The following KIF13B variants were observed in gnomAD, a reference collection of about 807,000 sequenced individuals.
KIF13B encodes kinesin-like protein KIF13B.
A neutral mutation model predicts 222.0 loss-of-function variants in KIF13B; 127 were observed. The observed-to-expected ratio is 0.57, with a 90% CI of 0.50 to 0.66. The LOEUF is 0.66. Ranked by LOEUF, KIF13B falls within the 30% of genes least tolerant of loss-of-function variation. The pLI is 0.00. For missense variants in KIF13B, 2,173 were observed against 2,379.0 expected, an observed-to-expected ratio of 0.91 and a Z score of 1.80; for synonymous variants, 976 against 919.0, an observed-to-expected ratio of 1.06 and a Z score of -1.12.
At position 29,071,416 on chromosome 8, in the gene KIF13B, A is replaced by T. The variant is rs532221151; in HGVS notation, c.5218+204T>A. Among the ~76,000 whole-genome samples, 19 of 152,214 alleles carry T rather than the reference A, an allele frequency of 1.2e-4. No homozygotes were observed. Among genetic ancestry groups the T allele is most frequent in the African/African-American group, 4.6e-4 (19 of 41,534 alleles). On this transcript the variant is annotated intron_variant, in intron 39 of 39. Transcript: ENST00000524189. The surrounding 1 kb of genome is among the most constrained non-coding windows in gnomAD (Gnocchi z 4.9). ...CAGGATCTTTGTAGCCAAAATCATC[A>T]GGAATTTTCCATGTCGTCTCCAGGG... is the stretch of plus-strand genomic sequence containing the variant.
Position 29,124,027 on chromosome 8 carries a change from G to T in KIF13B, c.3349C>A (p.Arg1117Ser). ...ATATTCTATTTGTTTTTCCTACCAC[G>T]TTTACTGACAAGCTTTTGCAATTGT... ...DQQLQKLVSK[R>S]DKTEDDADRE... Residue 1117 changes from arginine (R) to serine (S), a missense_variant, in exon 27 of 40, where the codon CGT becomes AGT. Coordinates refer to ENST00000524189, the MANE Select transcript of KIF13B (RefSeq NM_015254.4). 1.9e-6 allele frequency: 3 copies of T among 1,593,486 alleles called. No homozygotes were observed. Among genetic ancestry groups the T allele is most frequent in the African/African-American group, 1.3e-5 (1 of 74,580 alleles).
rs1018567765 is a variant in KIF13B at position 29,068,217 on chromosome 8, T to A, written c.*2287A>T. The stretch of plus-strand genomic sequence containing the variant: ...AGCGCATCGGGAGTCCTAAGGCGGG[T>A]GGGCGGGCAGGCGTTCTTGGGAGGT... On this transcript the variant is annotated 3_prime_UTR_variant, in exon 40 of 40. Coordinates refer to ENST00000524189, the MANE Select transcript of KIF13B (RefSeq NM_015254.4). This position sits in a 1 kb window ranked among gnomAD's most constrained non-coding sequence, Gnocchi z 4.4. 2 of 151,678 alleles carry A rather than the reference T, an allele frequency of 1.3e-5. No homozygotes were observed. The highest frequency in any genetic ancestry group is 1.3e-4 in the Admixed American group (2 of 15,220). The allele number at this position is 151,678 out of a possible 1,614,324, so 9.4% of individuals were successfully genotyped here. A position where few individuals can be genotyped will look rare whatever the true frequency, so the allele number is the denominator to read the frequency against.
intron 5 of KIF13B, among the ~76,000 whole-genome samples, chr8:29,187,074 TA>T (rs1389157541): frequency 1.3e-5 from 2 of 151,480 alleles, no homozygotes; most frequent in African/African-American, 4.9e-5. Context: ...TTTTCCGAAA[TA>T]AGCTGAAAGA....
chr8:29,191,690 A>G (rs1389112465), intron 3 of KIF13B, among the ~76,000 whole-genome samples: 1 of 152,228 alleles, frequency 6.6e-6, no homozygotes, highest in East Asian at 1.9e-4. Flanking sequence ...ATCTGTTTTG[A>G]TCTTTCACCT....
At chr8:29,240,660 G>C (rs907369146) in intron 2 of KIF13B, among the ~76,000 whole-genome samples, 1 of 152,210 alleles carries the variant, frequency 6.6e-6, no homozygotes, top group African/African-American at 2.4e-5. Flanking sequence ...ACCAGAACGC[G>C]GGGTTCTAAA....
intron 1 of KIF13B, 145 bp downstream of exon 1, chr8:29,262,835 G>A (rs1314086987): frequency 7.2e-6 from 4 of 555,744 alleles, no homozygotes; most frequent in Non-Finnish European, 1.2e-5. Flanking sequence ...GCGCGGGAGC[G>A]GGTTTCAGGG....
At chr8:29,102,120 C>A (rs7818032) in intron 35 of KIF13B, among the ~76,000 whole-genome samples, 1,841 of 151,762 alleles carry the variant, frequency 0.012, 29 homozygotes, top group African/African-American at 0.042. Context: ...AAAAATGAAG[C>A]AACCCAGTTC....
chr8:29,196,176 A>T lies in KIF13B; in HGVS notation c.162+11T>A, dbSNP rs763257192. 1.3e-6 allele frequency: 2 copies of T among 1,569,252 alleles called. No homozygotes were observed. The highest frequency in any genetic ancestry group is 2.4e-5 in the South Asian group (2 of 84,712). On this transcript the variant is annotated intron_variant, in intron 3 of 39. Transcript: ENST00000524189. The stretch of plus-strand genomic sequence containing the variant: ...CTTTACAAGCATCACATAACAAACC[A>T]AATCTCTTACCTTCGGCTGGCCCCT...
At chr8:29,220,597 T>C (rs750029309) in intron 2 of KIF13B, among the ~76,000 whole-genome samples, 5 of 150,670 alleles carry the variant, frequency 3.3e-5, no homozygotes, top group African/African-American at 7.3e-5. Context: ...AAACAGCCCA[T>C]GGGTTTTGAT....
At position 29,104,783 on chromosome 8, in the gene KIF13B, G is replaced by A. The variant is rs537922209; in HGVS notation, c.4215+3356C>T. Among the ~76,000 whole-genome samples, 255 of 151,470 alleles carry A rather than the reference G, an allele frequency of 1.7e-3. 2 individuals are homozygous for A. The highest frequency in any genetic ancestry group is 5.5e-3 in the African/African-American group (226 of 41,270). On this transcript the variant is annotated intron_variant, in intron 35 of 39. Coordinates refer to ENST00000524189, the MANE Select transcript of KIF13B (RefSeq NM_015254.4). Reference sequence around the variant, plus strand: ...TTTTTTGAGACAGAGTCTCGCTGTCGCCCAGGCTGGAGTGCAGTGGCGCGA... The same window carrying A: ...TTTTTTGAGACAGAGTCTCGCTGTCACCCAGGCTGGAGTGCAGTGGCGCGA...
At chr8:29,238,861 G>A (rs962329934) in intron 2 of KIF13B, among the ~76,000 whole-genome samples, 2 of 152,034 alleles carry the variant, frequency 1.3e-5, no homozygotes, top group African/African-American at 4.8e-5. Context: ...TACACTTAGG[G>A]GTGGAGAGGA....
At chr8:29,175,964 C>T (rs762110179) in intron 10 of KIF13B, 104 bp downstream of exon 10, 34 of 704,054 alleles carry the variant, frequency 4.8e-5, no homozygotes, top group Non-Finnish European at 6.6e-5. Flanking sequence ...ATTTGCACAC[C>T]GATAGAGGAA....
intron 30 of KIF13B, among the ~76,000 whole-genome samples, 154 bp downstream of exon 30, chr8:29,118,714 C>T (rs558936023): frequency 6.6e-6 from 1 of 152,286 alleles, no homozygotes; most frequent in East Asian, 1.9e-4. Context: ...GATGTTCAAG[C>T]TCCATTCTTC....
At chr8:29,124,366 T>C (rs555149480) in intron 26 of KIF13B, among the ~76,000 whole-genome samples, 1 of 152,350 alleles carries the variant, frequency 6.6e-6, no homozygotes, top group South Asian at 2.1e-4. Flanking sequence ...TTATTTCTAA[T>C]GGCTTGGGGG....
intron 14 of KIF13B, among the ~76,000 whole-genome samples, chr8:29,151,297 G>GA (rs1811287136): frequency 6.6e-6 from 1 of 152,216 alleles, no homozygotes; most frequent in Admixed American, 6.5e-5. Flanking sequence ...GAGGTTTAAG[G>GA]AAAGAAGCCA....
chr8:29,110,288 C>G (rs1298458503), intron 32 of KIF13B, among the ~76,000 whole-genome samples: 1 of 152,194 alleles, frequency 6.6e-6, no homozygotes, highest in Non-Finnish European at 1.5e-5. Context: ...AGCTGAAACA[C>G]AGCGCATTCT....
chr8:29,252,935 T>C (rs974982048), intron 1 of KIF13B, among the ~76,000 whole-genome samples: 1 of 152,210 alleles, frequency 6.6e-6, no homozygotes, highest in African/African-American at 2.4e-5. Flanking sequence ...AATAACCTAA[T>C]CACTACTTTT....
chr8:29,123,710 T>C (rs779104587), intron 27 of KIF13B, among the ~76,000 whole-genome samples: 3 of 152,238 alleles, frequency 2.0e-5, no homozygotes, highest in African/African-American at 4.8e-5. Context: ...CAGGAGTGAC[T>C]GGTCCAGAGT....
At chr8:29,246,626 T>C (rs1318645325) in intron 1 of KIF13B, among the ~76,000 whole-genome samples, 1 of 151,568 alleles carries the variant, frequency 6.6e-6, no homozygotes, top group East Asian at 1.9e-4. Context: ...CATACAGAAA[T>C]GCAAAAAATT....
Sources: allele counts gnomAD v4.1 joint callset (sites outside exome capture counted in the v4.1 genomes callset), GRCh38; gene constraint gnomAD v4.1.1; non-coding constraint Gnocchi (gnomAD v3.1); transcripts MANE v1.5; gene names NCBI Gene and HGNC (gene_info 2026-07-23, HGNC 2026-07-21).